The following NFATC3 variants were observed in gnomAD, a reference collection of about 807,000 sequenced individuals.
NFATC3 encodes nuclear factor of activated T-cells, cytoplasmic 3.
A neutral mutation model predicts 98.6 loss-of-function variants in NFATC3; 46 were observed. That is an observed-to-expected ratio of 0.47 (90% CI 0.37 to 0.60). The LOEUF is 0.60. Ranked by LOEUF, NFATC3 falls within the 20% of genes least tolerant of loss-of-function variation. The pLI, the probability that NFATC3 is intolerant of heterozygous loss-of-function variation, is 0.00. For missense variants in NFATC3, 1,256 were observed against 1,295.5 expected (o/e 0.97, Z 0.47); for synonymous variants, 512 against 472.2 (o/e 1.08, Z -1.09).
At chr16:68,100,080 C>CTA (rs1215857438) in intron 1 of NFATC3, among the ~76,000 whole-genome samples, 3 of 152,138 alleles carry the variant, frequency 2.0e-5, no homozygotes, top group Non-Finnish European at 4.4e-5. Flanking sequence ...GAGTAGTGTT[C>CTA]CATCATATGG....
chr16:68,099,929 C>A (rs1395533560), intron 1 of NFATC3, among the ~76,000 whole-genome samples: 3 of 152,118 alleles, frequency 2.0e-5, no homozygotes, highest in Admixed American at 1.3e-4. Context: ...CCACCTCAGC[C>A]TCCCAAAGTG....
chr16:68,146,433 A>T (rs1448375302), intron 3 of NFATC3, among the ~76,000 whole-genome samples: 6 of 151,982 alleles, frequency 3.9e-5, no homozygotes, highest in Non-Finnish European at 7.4e-5. Flanking sequence ...GATTTTTTTT[A>T]AAAAGCTTAT....
chr16:68,137,232 T>A (rs1384308890), intron 3 of NFATC3, among the ~76,000 whole-genome samples: 1 of 152,214 alleles, frequency 6.6e-6, no homozygotes, highest in Admixed American at 6.5e-5. Context: ...ATATCCTTAT[T>A]CCATAAACAT....
intron 1 of NFATC3, among the ~76,000 whole-genome samples, chr16:68,121,497 G>C (rs1379344604): frequency 1.3e-5 from 2 of 151,504 alleles, no homozygotes; most frequent in African/African-American, 4.9e-5. Flanking sequence ...GCAAGGCCCT[G>C]TGTCTACCAA....
intron 1 of NFATC3, chr16:68,086,557 A>C (rs909253630): frequency 5.5e-6 from 4 of 732,960 alleles, no homozygotes; most frequent in Non-Finnish European, 6.7e-6. Context: ...TAGAAACAGG[A>C]TGACTGGGGA....
chr16:68,127,144 C>T (rs1219284984), intron 3 of NFATC3, among the ~76,000 whole-genome samples: 1 of 152,054 alleles, frequency 6.6e-6, no homozygotes, highest in Admixed American at 6.6e-5. Context: ...ACCCGGGAGG[C>T]AGAGGTTGCA....
chr16:68,178,396 A>G (rs1598515894), intron 6 of NFATC3, among the ~76,000 whole-genome samples: 1 of 152,292 alleles, frequency 6.6e-6, no homozygotes, highest in South Asian at 2.1e-4. Context: ...CCTGTCTTCA[A>G]AAAACATCAG....
Position 68,122,734 on chromosome 16 carries a change from C to T in NFATC3, c.851C>T (p.Ala284Val), listed in dbSNP as rs866024565. Residue 284 changes from alanine (A) to valine (V), a missense_variant, in exon 2 of 10, where the codon GCT becomes GTT. Coordinates refer to ENST00000346183, the MANE Select transcript of NFATC3 (RefSeq NM_173165.3). ...CACTCCAGTGCTGAAGTTTGTTATGCTGGGTCCCTTTCACCCCATCACTCA... is the reference window on the plus strand; with the variant it reads ...CACTCCAGTGCTGAAGTTTGTTATGTTGGGTCCCTTTCACCCCATCACTCA... ...RRHSSAEVCY[A>V]GSLSPHHSPV... The T allele has an allele frequency of 6.2e-7, 1 of 1,614,118 alleles. No individual in the cohort carries two copies. The highest frequency in any genetic ancestry group is 2.2e-5 in the East Asian group (1 of 44,890).
rs1463243115 is a variant in NFATC3, at chr16:68,112,782, CCG to C, written c.104-9204_104-9203del. On this transcript the variant is annotated intron_variant, in intron 1 of 9. Coordinates refer to ENST00000346183, the MANE Select transcript of NFATC3 (RefSeq NM_173165.3). ...CACGCCATTCTCCTGCCTCAGCCTC[CCG>C]ACATTTTTTTTTTTTCTCTAACCTT... is the stretch of plus-strand genomic sequence containing the variant. 5.0e-3 allele frequency among the ~76,000 whole-genome samples: 759 copies of C among 151,778 alleles called. 7 individuals are homozygous for C. Among genetic ancestry groups the C allele is most frequent in the African/African-American group, 0.017 (693 of 41,428 alleles).
At chr16:68,099,378 T>C (rs2035217151) in intron 1 of NFATC3, among the ~76,000 whole-genome samples, 1 of 151,430 alleles carries the variant, frequency 6.6e-6, no homozygotes, top group African/African-American at 2.4e-5. Context: ...GAGCTTGCAT[T>C]GAGTGGAGAT....
At chr16:68,134,509 A>C (rs1396339165) in intron 3 of NFATC3, among the ~76,000 whole-genome samples, 1 of 152,126 alleles carries the variant, frequency 6.6e-6, no homozygotes, top group Non-Finnish European at 1.5e-5. Context: ...TCTTCGAATA[A>C]TAACAGTTTT....
chr16:68,116,980 T>C (rs1477657580), intron 1 of NFATC3, among the ~76,000 whole-genome samples: 1 of 152,204 alleles, frequency 6.6e-6, no homozygotes, highest in African/African-American at 2.4e-5. Flanking sequence ...TTGAACTGTT[T>C]GCTTGTTTTT....
chr16:68,159,949 G>A (rs966625118), intron 4 of NFATC3, among the ~76,000 whole-genome samples: 2 of 151,828 alleles, frequency 1.3e-5, no homozygotes, highest in African/African-American at 4.8e-5. Context: ...GTGGTGGCGG[G>A]TGTCTGTAAT....
chr16:68,184,146 C>G (rs2040069198), intron 8 of NFATC3, among the ~76,000 whole-genome samples: 1 of 151,746 alleles, frequency 6.6e-6, no homozygotes, highest in South Asian at 2.1e-4. Flanking sequence ...ATTAGTGACT[C>G]TGAGGAGTGA....
intron 9 of NFATC3, among the ~76,000 whole-genome samples, chr16:68,203,124 G>C (rs1446519203): frequency 6.6e-6 from 1 of 152,132 alleles, no homozygotes; most frequent in African/African-American, 2.4e-5. Flanking sequence ...GACCATGATG[G>C]GGATTCAAGA....
chr16:68,192,253 ATGTATGTG>A (rs1182292016), intron 9 of NFATC3: 12 of 97,854 alleles, frequency 1.2e-4, no homozygotes, highest in East Asian at 1.4e-3. Context: ...ATATATATAT[ATGTATGTG>A]TATATATATA....
intron 9 of NFATC3, among the ~76,000 whole-genome samples, chr16:68,215,986 C>T (rs1423206184): frequency 6.6e-6 from 1 of 152,050 alleles, no homozygotes; most frequent in Non-Finnish European, 1.5e-5. Flanking sequence ...CCTTGGCCTC[C>T]CAAAGTGCTG....
rs570862385 is a variant in NFATC3, at chr16:68,190,513, A to G, written c.2099-255A>G. ...TAGTCACCTAATTTTCCTTCCCAGC[A>G]GTGACTCTAACATAGTTTCTTGTGC... On this transcript the variant is annotated intron_variant, in intron 8 of 9. Transcript: ENST00000346183. Among the ~76,000 whole-genome samples the G allele has an allele frequency of 2.6e-5, 4 of 152,352 alleles. No individual in the cohort carries two copies. In the East Asian group the frequency reaches 7.7e-4, roughly 29 times the overall value.
intron 1 of NFATC3, among the ~76,000 whole-genome samples, chr16:68,112,055 C>G (rs1220859236): frequency 6.6e-6 from 1 of 151,954 alleles, no homozygotes; most frequent in Non-Finnish European, 1.5e-5. Context: ...ACATTTTTTC[C>G]TTCATTTCAA....
Sources: gnomAD v4.1 joint callset for allele counts (sites outside exome capture counted in the v4.1 genomes callset) on GRCh38, gnomAD v4.1.1 for gene constraint, MANE v1.5 for transcripts, NCBI Gene and HGNC (gene_info 2026-07-23, HGNC 2026-07-21) for gene names.